The following AP1S2 variants were observed in gnomAD, a reference collection of about 807,000 sequenced individuals.
AP1S2 encodes adaptor related protein complex 1 subunit sigma 2.
In AP1S2, 1 loss-of-function variant was observed where a neutral mutation model predicts 14.3. The ratio of observed to expected loss-of-function variants is 0.07; its 90% CI spans 0.02 to 0.33. The LOEUF is 0.33. Ranked by LOEUF, AP1S2 falls within the 10% of genes least tolerant of loss-of-function variation. The pLI is 0.99. For synonymous variants in AP1S2, 30 were observed against 40.5 expected, an observed-to-expected ratio of 0.74 and a Z score of 0.99; for missense variants, 30 against 117.7, an observed-to-expected ratio of 0.25 and a Z score of 3.45.
intron 4 of AP1S2, among the ~76,000 whole-genome samples, chrX:15,835,921 T>C (rs982571160): frequency 9.1e-6 from 1 of 110,458 alleles, no homozygotes; most frequent in Non-Finnish European, 1.9e-5. Flanking sequence ...CTGGGCAACA[T>C]GGTGAGACCC....
intron 2 of AP1S2, 38 bp from the exon 3 acceptor site, chrX:15,846,049 TATA>T (rs1279859783): frequency 3.2e-6 from 3 of 930,613 alleles, no homozygotes; most frequent in Admixed American, 4.4e-5. Flanking sequence ...ACTGTTATCC[TATA>T]ATGATGTTTT....
At chrX:15,844,271 A>G in intron 4 of AP1S2, among the ~76,000 whole-genome samples, 1 of 111,934 alleles carries the variant, frequency 8.9e-6, no homozygotes, top group East Asian at 2.8e-4. Context: ...CCCTTATTTC[A>G]CTCCCTTAAA....
chrX:15,834,481 AT>A (rs778337933), intron 4 of AP1S2, among the ~76,000 whole-genome samples: 1 of 13,018 alleles, frequency 7.7e-5, no homozygotes, highest in African/African-American at 4.1e-4. Context: ...TATATATATA[AT>A]TTTTTTTTTT....
chrX:15,838,355 T>C (rs1259491795), intron 4 of AP1S2, among the ~76,000 whole-genome samples: 1 of 111,451 alleles, frequency 9.0e-6, no homozygotes, highest in Non-Finnish European at 1.9e-5. Context: ...TATATTCTAG[T>C]GTGTTTGCCT....
chrX:15,834,439 AATAT>A (rs1161066866), intron 4 of AP1S2, among the ~76,000 whole-genome samples: 378 of 25,092 alleles, frequency 0.015, 16 homozygotes, highest in East Asian at 0.058. Flanking sequence ...TCCCTTCCAA[AATAT>A]ATATATATAT....
chrX:15,829,860 A>G (rs1338342858), intron 4 of AP1S2, among the ~76,000 whole-genome samples: 1 of 111,577 alleles, frequency 9.0e-6, no homozygotes, highest in Non-Finnish European at 1.9e-5. Context: ...CAGATGAAAA[A>G]GTCCTGCAGA....
rs760072646 is a variant in AP1S2, at chrX:15,848,465, G to A, written c.180-2454C>T. Among the ~76,000 whole-genome samples the A allele has an allele frequency of 7.2e-5, 8 of 111,683 alleles. No homozygotes were observed. The South Asian group carries it at 2.2e-3, about 31-fold the overall frequency. ...AACTATAGCCAGCAATTGCATTAAC[G>A]TAATCCCATACCTGGCAAAAATTAA... On this transcript the variant is annotated intron_variant, in intron 2 of 5. Transcript: ENST00000672987.
chrX:15,838,442 G>C (rs908092742), intron 4 of AP1S2, among the ~76,000 whole-genome samples: 1 of 110,015 alleles, frequency 9.1e-6, no homozygotes, highest in Admixed American at 9.7e-5. Flanking sequence ...GAAAATGTCA[G>C]TAGGTGAAAA....
At chrX:15,835,560 A>T (rs1271379955) in intron 4 of AP1S2, among the ~76,000 whole-genome samples, 2 of 111,845 alleles carry the variant, frequency 1.8e-5, no homozygotes, top group Non-Finnish European at 3.8e-5. Flanking sequence ...CAGTCTTACA[A>T]GCATTTGTGA....
chrX:15,836,751 G>T lies in AP1S2; in HGVS notation c.427-8551C>A, dbSNP rs578050544. ...TTTAAAAAATTAGCTGGGCATGGTGGTGTGCACCTGTAATCCCAGCTACTC... is the reference window on the plus strand; with the variant it reads ...TTTAAAAAATTAGCTGGGCATGGTGTTGTGCACCTGTAATCCCAGCTACTC... On this transcript the variant is annotated intron_variant, in intron 4 of 5. Transcript: ENST00000672987. Among the ~76,000 whole-genome samples the T allele has an allele frequency of 1.4e-4, 16 of 111,127 alleles. No individual in the cohort carries two copies. The South Asian group carries it at 3.4e-3, about 24-fold the overall frequency.
chrX:15,854,394 C>T (rs1408675875), intron 1 of AP1S2, among the ~76,000 whole-genome samples: 1 of 112,729 alleles, frequency 8.9e-6, no homozygotes, highest in East Asian at 2.8e-4. Flanking sequence ...GCCGCCACCG[C>T]CCCCGGCCCC....
chrX:15,846,494 C>T (rs1278610204), intron 2 of AP1S2, among the ~76,000 whole-genome samples: 1 of 111,240 alleles, frequency 9.0e-6, no homozygotes, highest in Non-Finnish European at 1.9e-5. Context: ...TTAAGTCCTA[C>T]AAGCTCAATA....
rs1031436934 is a variant in AP1S2 at position 15,827,125 on chromosome X, A to G, written c.*200T>C. 1 of 451,155 alleles carries G rather than the reference A, an allele frequency of 2.2e-6. No homozygotes were observed. The highest frequency in any genetic ancestry group is 3.9e-6 in the Non-Finnish European group (1 of 254,396). 37.2% of individuals were successfully genotyped at this position (451,155 alleles called of 1,213,427 possible). A position where few individuals can be genotyped will look rare whatever the true frequency, so the allele number is the denominator to read the frequency against. On this transcript the variant is annotated 3_prime_UTR_variant, in exon 6 of 6. Transcript: ENST00000672987. The stretch of plus-strand genomic sequence containing the variant: ...AGGTATCTCTTTCTGCACCATTCTA[A>G]TTCATATTTAAGTCCCTTATCACTT...
intron 4 of AP1S2, among the ~76,000 whole-genome samples, chrX:15,837,976 A>G (rs189351223): frequency 6.3e-5 from 7 of 111,582 alleles, no homozygotes; most frequent in Non-Finnish European, 1.3e-4. Flanking sequence ...TGCATTTTTG[A>G]TTAATTTTTA....
intron 4 of AP1S2, among the ~76,000 whole-genome samples, chrX:15,841,811 A>C (rs1207656856): frequency 2.7e-5 from 3 of 112,262 alleles, no homozygotes; most frequent in Non-Finnish European, 5.6e-5. Flanking sequence ...GAAACAAAGA[A>C]GTTCATATCT....
chrX:15,839,611 GCTTGGACT>G (rs1371908564), intron 4 of AP1S2, among the ~76,000 whole-genome samples: 2 of 107,450 alleles, frequency 1.9e-5, no homozygotes, highest in Admixed American at 2.0e-4. Flanking sequence ...CTCCCAATTA[GCTTGGACT>G]ACAGACACAC....
rs187917527 is a variant in AP1S2 at position 15,829,829 on chromosome X, G to C, written c.427-1629C>G. ...AGAAATGGGGAATTGTTGATTAATG[G>C]GTATAGAGTTTCAGTTCTGCCAGAT... On this transcript the variant is annotated intron_variant, in intron 4 of 5. Transcript: ENST00000672987. Among the ~76,000 whole-genome samples the C allele has an allele frequency of 3.8e-3, 426 of 111,130 alleles. 5 individuals carry two copies. The highest frequency in any genetic ancestry group is 0.013 in the African/African-American group (392 of 30,645).
intron 4 of AP1S2, chrX:15,831,564 C>A: frequency 1.3e-6 from 1 of 756,471 alleles, no homozygotes; most frequent in Non-Finnish European, 1.6e-6. Context: ...ATATTCATGA[C>A]GTGGCTACAA....
chrX:15,837,735 T>G (rs1486140397), intron 4 of AP1S2, among the ~76,000 whole-genome samples: 2 of 108,018 alleles, frequency 1.9e-5, no homozygotes, highest in African/African-American at 6.8e-5. Context: ...GCCTCCCAAG[T>G]AGCTGGGATT....
Sources: gnomAD v4.1 joint callset for allele counts (sites outside exome capture counted in the v4.1 genomes callset) on GRCh38, gnomAD v4.1.1 for gene constraint, MANE v1.5 for transcripts, NCBI Gene and HGNC (gene_info 2026-07-23, HGNC 2026-07-21) for gene names.